The following CCDC60 variants were observed in gnomAD, a reference collection of about 807,000 sequenced individuals.
CCDC60 encodes coiled-coil domain containing 60, also known as coiled-coil domain-containing protein 60.
Under a neutral mutation model 63.5 loss-of-function variants are expected in CCDC60, and 54 were observed. The ratio of observed to expected loss-of-function variants is 0.85; its 90% CI spans 0.68 to 1.07. The LOEUF is 1.07. CCDC60 is among the 50% of genes least tolerant of loss of function. CCDC60 has a pLI of 0.00. For missense variants in CCDC60, 651 were observed against 684.3 expected, an observed-to-expected ratio of 0.95 and a Z score of 0.54; for synonymous variants, 206 against 238.8, an observed-to-expected ratio of 0.86 and a Z score of 1.27.
chr12:119,499,137 AT>A (rs1046229862), intron 5 of CCDC60, among the ~76,000 whole-genome samples: 1 of 152,336 alleles, frequency 6.6e-6, no homozygotes, highest in Non-Finnish European at 1.5e-5. Context: ...TATATGCAGC[AT>A]GTTTCCTTTC....
At chr12:119,417,902 G>A (rs1443054361) in intron 1 of CCDC60, among the ~76,000 whole-genome samples, 2 of 152,186 alleles carry the variant, frequency 1.3e-5, no homozygotes, top group East Asian at 3.9e-4. Flanking sequence ...GCTTCCATAA[G>A]GCAGTCCTGC....
intron 13 of CCDC60, among the ~76,000 whole-genome samples, chr12:119,533,102 T>A (rs1436963596): frequency 6.6e-6 from 1 of 152,226 alleles, no homozygotes; most frequent in Admixed American, 6.5e-5. Context: ...TTTTTAATGA[T>A]CGTCATTCTA....
intron 1 of CCDC60, among the ~76,000 whole-genome samples, chr12:119,424,268 C>T (rs996681181): frequency 6.6e-6 from 1 of 152,158 alleles, no homozygotes; most frequent in South Asian, 2.1e-4. Flanking sequence ...ACTATCTTTA[C>T]GTTTTGTAGC....
At chr12:119,532,153 G>C (rs531927833) in intron 13 of CCDC60, among the ~76,000 whole-genome samples, 1 of 152,034 alleles carries the variant, frequency 6.6e-6, no homozygotes, top group Non-Finnish European at 1.5e-5. Context: ...CCCATGACCC[G>C]TGAGGCTCCT....
intron 1 of CCDC60, among the ~76,000 whole-genome samples, chr12:119,357,708 C>T (rs917909793): frequency 6.6e-6 from 1 of 152,200 alleles, no homozygotes; most frequent in African/African-American, 2.4e-5. Context: ...CCCACTTCGG[C>T]CTCCCAAAGT....
intron 1 of CCDC60, among the ~76,000 whole-genome samples, chr12:119,425,213 C>T (rs1226992630): frequency 6.6e-6 from 1 of 152,126 alleles, no homozygotes; most frequent in Non-Finnish European, 1.5e-5. Flanking sequence ...TAGTTCACAG[C>T]ATCTTTTTGG....
At chr12:119,428,018 C>T (rs1238689879) in intron 1 of CCDC60, among the ~76,000 whole-genome samples, 3 of 152,036 alleles carry the variant, frequency 2.0e-5, no homozygotes, top group African/African-American at 7.2e-5. Context: ...GTTAATTTAT[C>T]TCTCTTCTTT....
chr12:119,380,762 A>G (rs947146641), intron 1 of CCDC60, among the ~76,000 whole-genome samples: 3 of 152,236 alleles, frequency 2.0e-5, no homozygotes, highest in African/African-American at 7.2e-5. Flanking sequence ...TCCTTTTAAC[A>G]GAAAGGGCAG....
At chr12:119,388,090 G>A (rs1043953438) in intron 1 of CCDC60, 1 of 152,212 alleles carries the variant, frequency 6.6e-6, no homozygotes, top group African/African-American at 2.4e-5. Context: ...TCATCCTGGA[G>A]CCAGGTGCTT....
intron 1 of CCDC60, among the ~76,000 whole-genome samples, chr12:119,351,441 A>G (rs980675212): frequency 3.3e-5 from 5 of 152,220 alleles, no homozygotes; most frequent in Admixed American, 2.6e-4. Context: ...TAATTGGCTC[A>G]TGGCTCTGCA....
intron 2 of CCDC60, among the ~76,000 whole-genome samples, chr12:119,463,601 A>G (rs564761092): frequency 1.5e-4 from 23 of 152,396 alleles, no homozygotes; most frequent in East Asian, 1.9e-4. Flanking sequence ...GTGAGGCACA[A>G]AACTGCTGGT....
Position 119,505,263 on chromosome 12 carries a change from G to C in CCDC60, c.843G>C (p.Glu281Asp). 1 of 1,612,516 alleles carries C rather than the reference G, an allele frequency of 6.2e-7. No homozygotes were observed. Among genetic ancestry groups the C allele is most frequent in the South Asian group, 1.1e-5 (1 of 91,076 alleles). ...GCAGCAAGGACATTGAGGACAATGAGTCATCTTCAACCAAGCCAGATGAAG... is the reference window on the plus strand; with the variant it reads ...GCAGCAAGGACATTGAGGACAATGACTCATCTTCAACCAAGCCAGATGAAG... ...VTSSKDIEDN[E>D]SSSTKPDEEP... Residue 281 changes from glutamate (E) to aspartate (D), a missense_variant, in exon 7 of 14, where the codon GAG (glutamate) becomes GAC (aspartate). Transcript: ENST00000327554.
chr12:119,495,393 T>C (rs1453778106), intron 5 of CCDC60, among the ~76,000 whole-genome samples: 1 of 152,188 alleles, frequency 6.6e-6, no homozygotes, highest in Admixed American at 6.5e-5. Flanking sequence ...TAAACTGCAA[T>C]TTTCTTTTAT....
intron 2 of CCDC60, among the ~76,000 whole-genome samples, chr12:119,462,811 T>A (rs1950880846): frequency 6.7e-6 from 1 of 150,106 alleles, no homozygotes; most frequent in Non-Finnish European, 1.5e-5. Flanking sequence ...TTTATTTATT[T>A]ATTTATTTAT....
Position 119,488,748 on chromosome 12 carries a change from T to C in CCDC60, c.450-11T>C. On this transcript the variant is annotated splice_polypyrimidine_tract_variant and intron_variant, in intron 4 of 13. Transcript: ENST00000327554. ...AGGATCCCACTGTGTTCCCTCTCTC[T>C]GTCTTTGCAGCGAGCCCCTCTTCCG... 6.2e-7 allele frequency: 1 copy of C among 1,613,074 alleles called. No homozygotes were observed. Among genetic ancestry groups the C allele is most frequent in the Non-Finnish European group, 8.5e-7 (1 of 1,179,018 alleles).
chr12:119,460,620 T>A (rs970954086), intron 2 of CCDC60, among the ~76,000 whole-genome samples: 2 of 152,226 alleles, frequency 1.3e-5, no homozygotes, highest in African/African-American at 4.8e-5. Flanking sequence ...GAAAGGTCTG[T>A]TCAATGTCTT....
intron 2 of CCDC60, among the ~76,000 whole-genome samples, chr12:119,467,231 G>A (rs1388075247): frequency 6.6e-6 from 1 of 152,150 alleles, no homozygotes; most frequent in Non-Finnish European, 1.5e-5. Context: ...TCTTTCCTGG[G>A]TGAAGCCAAG....
intron 7 of CCDC60, among the ~76,000 whole-genome samples, chr12:119,515,090 C>G (rs968373644): frequency 7.9e-5 from 12 of 152,110 alleles, no homozygotes; most frequent in Non-Finnish European, 1.6e-4. Flanking sequence ...GGAGTGCACT[C>G]TATAATGTTC....
Position 119,335,148 on chromosome 12 carries a change from C to T in CCDC60, c.-29C>T. On this transcript the variant is annotated 5_prime_UTR_variant, in exon 1 of 14. Transcript: ENST00000327554. ...TCTGGAAAAATCCTTGTCTTGGGGG[C>T]ACAGGCTAAAACCTGAAGGATTTTT... 1 of 1,566,140 alleles carries T rather than the reference C, an allele frequency of 6.4e-7. No homozygotes were observed. The highest frequency in any genetic ancestry group is 8.7e-7 in the Non-Finnish European group (1 of 1,150,002).
Sources: allele counts gnomAD v4.1 joint callset (sites outside exome capture counted in the v4.1 genomes callset), GRCh38; gene constraint gnomAD v4.1.1; transcripts MANE v1.5; gene names NCBI Gene and HGNC (gene_info 2026-07-23, HGNC 2026-07-21).